The following SMG9 variants were observed in gnomAD, a reference collection of about 807,000 sequenced individuals.
The protein encoded by SMG9 is SMG9 nonsense mediated mRNA decay factor.
In SMG9, 55 loss-of-function variants were observed where a neutral mutation model predicts 64.0. The observed-to-expected ratio is 0.86, with a 90% CI of 0.69 to 1.08. The LOEUF (loss-of-function observed/expected upper bound fraction) is 1.08, where lower values mean the gene tolerates loss of function less well. Ranked by LOEUF, SMG9 falls within the 50% of genes least tolerant of loss-of-function variation. The pLI is 0.00. For synonymous variants in SMG9, 244 were observed against 254.8 expected (o/e 0.96, Z 0.41); for missense variants, 554 against 681.3 (o/e 0.81, Z 2.08).
intron 2 of SMG9, among the ~76,000 whole-genome samples, chr19:43,749,527 G>A (rs776275811): frequency 6.6e-6 from 1 of 152,192 alleles, no homozygotes; most frequent in Admixed American, 6.5e-5. Flanking sequence ...GAGAGACTAC[G>A]TGTTCTCATT....
chr19:43,751,881 T>A (rs1435037609), intron 1 of SMG9, among the ~76,000 whole-genome samples: 1 of 152,238 alleles, frequency 6.6e-6, no homozygotes, highest in Non-Finnish European at 1.5e-5. Flanking sequence ...TATCTCTTAC[T>A]TGCAGCCAAA....
intron 9 of SMG9, among the ~76,000 whole-genome samples, chr19:43,736,250 C>G (rs1968662310): frequency 6.6e-6 from 1 of 152,224 alleles, no homozygotes; most frequent in Admixed American, 6.5e-5. Flanking sequence ...CATAATGCTG[C>G]TGATGAGGAA....
chr19:43,752,265 T>C (rs1969212925), intron 1 of SMG9, among the ~76,000 whole-genome samples: 1 of 152,388 alleles, frequency 6.6e-6, no homozygotes, highest in South Asian at 2.1e-4. Context: ...TGGCTACCTA[T>C]GCAACCCACT....
At chr19:43,741,337 A>G (rs140125607) in intron 6 of SMG9, among the ~76,000 whole-genome samples, 58 of 152,310 alleles carry the variant, frequency 3.8e-4, no homozygotes, top group Non-Finnish European at 6.8e-4. Context: ...ATCGGCAGAA[A>G]GTAGGTGGCT....
chr19:43,743,486 C>G (rs1178199162), intron 6 of SMG9, among the ~76,000 whole-genome samples: 1 of 152,216 alleles, frequency 6.6e-6, no homozygotes. Context: ...AAAAGCCTGA[C>G]TGCAAATGTG....
Position 43,747,755 on chromosome 19 carries a change from G to A in SMG9, c.368C>T (p.Ala123Val). The change falls in exon 4 of 14, where the codon GCC (alanine) becomes GTC (valine). Residue 123 changes from alanine to valine, a missense_variant. Coordinates refer to ENST00000270066, the MANE Select transcript of SMG9 (RefSeq NM_019108.4). Reference sequence around the variant, plus strand: ...CGCAGGGGCTGCAGGGGGTGGTGGGGCGGTGCCCTCAGGGGTAGAGGCACC... The same window carrying A: ...CGCAGGGGCTGCAGGGGGTGGTGGGACGGTGCCCTCAGGGGTAGAGGCACC... Reference protein sequence around the residue: ...VTGASTPEGTAPPPPAAPAPP... With the variant: ...VTGASTPEGTVPPPPAAPAPP... 1 of 1,609,720 alleles carries A rather than the reference G, an allele frequency of 6.2e-7. No homozygotes were observed. Among genetic ancestry groups the A allele is most frequent in the Admixed American group, 1.7e-5 (1 of 59,710 alleles).
chr19:43,738,047 C>T, intron 8 of SMG9, 75 bp downstream of exon 8: 1 of 1,430,168 alleles, frequency 7.0e-7, no homozygotes, highest in Non-Finnish European at 9.8e-7. Context: ...CCACCCACAC[C>T]CAGCTCTCCA....
intron 5 of SMG9, among the ~76,000 whole-genome samples, chr19:43,746,156 G>A (rs1413361797): frequency 1.3e-5 from 2 of 152,212 alleles, no homozygotes; most frequent in Non-Finnish European, 2.9e-5. Context: ...CTAGGCAACA[G>A]AGCGAGACCG....
At chr19:43,749,464 A>G (rs1351643158) in intron 2 of SMG9, among the ~76,000 whole-genome samples, 1 of 152,174 alleles carries the variant, frequency 6.6e-6, no homozygotes, top group African/African-American at 2.4e-5. Context: ...CAAGGATTAA[A>G]CCTGAAGGTG....
intron 6 of SMG9, among the ~76,000 whole-genome samples, chr19:43,741,215 T>G (rs1353511900): frequency 6.6e-6 from 1 of 152,192 alleles, no homozygotes; most frequent in Non-Finnish European, 1.5e-5. Context: ...GATTGCTTAG[T>G]TGGTGGAGCC....
In SMG9 at chr19:43,747,722, T is replaced by A; in HGVS notation, c.401A>T (p.Lys134Met). 6.2e-7 allele frequency: 1 copy of A among 1,611,238 alleles called. No homozygotes were observed. The highest frequency in any genetic ancestry group is 1.7e-5 in the Admixed American group (1 of 59,738). Residue 134 changes from lysine (K) to methionine (M), a missense_variant, in exon 4 of 14, where the codon AAG becomes ATG. Physicochemically the swap from Lys to Met is moderately conservative, Grantham distance 95. Coordinates refer to ENST00000270066, the MANE Select transcript of SMG9 (RefSeq NM_019108.4). ...PPPPAAPAPP[K>M]GEKEGQRPTQ... ...GGGTCTCTGCCCCTCCTTCTCCCCCTTGGGTGGCGCAGGGGCTGCAGGGGG... is the reference window on the plus strand; with the variant it reads ...GGGTCTCTGCCCCTCCTTCTCCCCCATGGGTGGCGCAGGGGCTGCAGGGGG...
chr19:43,752,601 A>G (rs901690720), intron 1 of SMG9, among the ~76,000 whole-genome samples: 3 of 152,202 alleles, frequency 2.0e-5, no homozygotes, highest in Admixed American at 2.0e-4. Flanking sequence ...GCCTTAACAG[A>G]AAGTTTTACT....
Position 43,733,620 on chromosome 19 carries a change from C to A in SMG9, c.1210+6G>T. 2 of 1,613,890 alleles carry A rather than the reference C, an allele frequency of 1.2e-6. No homozygotes were observed. Among genetic ancestry groups the A allele is most frequent in the South Asian group, 2.2e-5 (2 of 91,072 alleles). The stretch of plus-strand genomic sequence containing the variant: ...CTAGCTTGGGGGGTGATGTGGGAAC[C>A]CTTACCCTTGTAACGCAGGTGGGAG... On this transcript the variant is annotated splice_donor_region_variant and intron_variant, in intron 11 of 13. Transcript: ENST00000270066.
intron 10 of SMG9, chr19:43,734,033 G>A (rs879719327): frequency 2.2e-5 from 12 of 539,956 alleles, no homozygotes; most frequent in Admixed American, 1.3e-4. Context: ...GGAACGGCAT[G>A]TGCAAAGGCT....
At chr19:43,737,364 T>C (rs2146370073) in intron 9 of SMG9, among the ~76,000 whole-genome samples, 1 of 152,324 alleles carries the variant, frequency 6.6e-6, no homozygotes, top group African/African-American at 2.4e-5. Flanking sequence ...AAGGACTTTG[T>C]AAGCCATGCA....
intron 6 of SMG9, among the ~76,000 whole-genome samples, chr19:43,743,571 G>A (rs189539055): frequency 1.3e-3 from 196 of 152,316 alleles, no homozygotes; most frequent in African/African-American, 4.5e-3. Flanking sequence ...CAAAGCGGGA[G>A]GATTGCTTGA....
At position 43,734,498 on chromosome 19, in the gene SMG9, T is replaced by G. The variant is rs1181916764; in HGVS notation, c.996-3A>C. 1.3e-6 allele frequency: 2 copies of G among 1,550,180 alleles called. No individual in the cohort carries two copies. Among genetic ancestry groups the G allele is most frequent in the South Asian group, 1.2e-5 (1 of 84,138 alleles). ...CCATCTCTGCTGTCTGCAGGAACCT[T>G]GGGGTTTGGGGTGAGTGGCTGTTGC... On this transcript the variant is annotated splice_region_variant and splice_polypyrimidine_tract_variant and intron_variant, in intron 9 of 13. Transcript: ENST00000270066.
intron 7 of SMG9, 146 bp from the exon 8 acceptor site, chr19:43,738,363 A>G (rs908821786): frequency 3.0e-6 from 2 of 660,572 alleles, no homozygotes; most frequent in African/African-American, 1.8e-5. Flanking sequence ...AGTTAAAGAA[A>G]AAAAACTCAA....
At chr19:43,735,614 CA>C (rs889721095) in intron 9 of SMG9, among the ~76,000 whole-genome samples, 1,808 of 51,432 alleles carry the variant, frequency 0.035, 12 homozygotes, top group African/African-American at 0.076. Context: ...GACTCTGTCT[CA>C]AAAAAAAAAA....
Sources: allele counts gnomAD v4.1 joint callset (sites outside exome capture counted in the v4.1 genomes callset), GRCh38; gene constraint gnomAD v4.1.1; transcripts MANE v1.5; gene names NCBI Gene and HGNC (gene_info 2026-07-23, HGNC 2026-07-21).